Variants in DLC1 observed in about 807,000 individuals in gnomAD.
The protein encoded by DLC1 is DLC1 Rho GTPase activating protein.
DLC1 carries 54 observed loss-of-function variants against 140.3 expected under a neutral mutation model. That is an observed-to-expected ratio of 0.38 (90% confidence interval 0.31 to 0.48). DLC1 has a LOEUF of 0.48. Among genes scored for constraint, DLC1 ranks in the 20% least tolerant of loss-of-function variants. DLC1 has a pLI of 0.96. For synonymous variants in DLC1, 986 were observed against 728.1 expected, an observed-to-expected ratio of 1.35 and a Z score of -5.70; for missense variants, 2,536 against 1,907.0, an observed-to-expected ratio of 1.33 and a Z score of -6.14.
intron 2 of DLC1, among the ~76,000 whole-genome samples, chr8:13,496,638 A>G (rs1257364141): frequency 6.6e-6 from 1 of 151,966 alleles, no homozygotes; most frequent in Admixed American, 6.6e-5. Context: ...TTGGCTGTCT[A>G]TACATATTGG....
chr8:13,359,971 T>C (rs1376990093), intron 4 of DLC1, among the ~76,000 whole-genome samples: 1 of 152,212 alleles, frequency 6.6e-6, no homozygotes, highest in African/African-American at 2.4e-5. Flanking sequence ...ATAAGATTTA[T>C]AAAGAGCTAC....
chr8:13,595,025 A>G (rs973247549), intron 1 of DLC1, among the ~76,000 whole-genome samples: 8 of 152,006 alleles, frequency 5.3e-5, no homozygotes, highest in African/African-American at 1.7e-4. Context: ...TGTGAGAAAA[A>G]AAAAAGTGGA....
chr8:13,193,073 C>T (rs1215525701), intron 5 of DLC1, among the ~76,000 whole-genome samples: 1 of 152,166 alleles, frequency 6.6e-6, no homozygotes, highest in East Asian at 1.9e-4. Context: ...CCTCTCTGTT[C>T]CTATCCAATC....
chr8:13,499,017 C>CA (rs1429339572), intron 2 of DLC1, 32 bp downstream of exon 2: 1 of 1,539,760 alleles, frequency 6.5e-7, no homozygotes, highest in East Asian at 2.3e-5. Flanking sequence ...TACAAAATTT[C>CA]AAAAGCCAGA....
chr8:13,478,874 T>C (rs969966164), intron 2 of DLC1, among the ~76,000 whole-genome samples: 1 of 152,240 alleles, frequency 6.6e-6, no homozygotes, highest in African/African-American at 2.4e-5. Context: ...CCACTGAAAA[T>C]AAGCAGATGC....
At chr8:13,243,294 A>C (rs1351239254) in intron 5 of DLC1, among the ~76,000 whole-genome samples, 2 of 108,080 alleles carry the variant, frequency 1.9e-5, no homozygotes, top group African/African-American at 7.2e-5. Flanking sequence ...CTGTCTCAAA[A>C]AAAAAAAAAA....
chr8:13,573,610 T>G (rs1440130828), intron 1 of DLC1, among the ~76,000 whole-genome samples: 3 of 152,210 alleles, frequency 2.0e-5, no homozygotes, highest in African/African-American at 7.2e-5. Flanking sequence ...CATTTTCATG[T>G]TGGGAAAGTT....
chr8:13,320,089 G>C (rs1833032006), intron 4 of DLC1, among the ~76,000 whole-genome samples: 1 of 152,056 alleles, frequency 6.6e-6, no homozygotes, highest in Non-Finnish European at 1.5e-5. Context: ...GGGATTATAG[G>C]TGTGGGCCAC....
At chr8:13,290,950 C>A (rs1485194010) in intron 5 of DLC1, among the ~76,000 whole-genome samples, 1 of 152,082 alleles carries the variant, frequency 6.6e-6, no homozygotes, top group Non-Finnish European at 1.5e-5. Context: ...TTCTCACTGC[C>A]CAGGCTGGAG....
chr8:13,517,697 C>G (rs1802635086), upstream of DLC1, among the ~76,000 whole-genome samples: 1 of 152,202 alleles, frequency 6.6e-6, no homozygotes. Flanking sequence ...GACTGTTACT[C>G]TGTACTGGAT....
intron 5 of DLC1, among the ~76,000 whole-genome samples, chr8:13,302,054 T>C (rs1429516194): frequency 1.3e-5 from 2 of 152,210 alleles, no homozygotes; most frequent in Non-Finnish European, 2.9e-5. Flanking sequence ...GATACTTGTG[T>C]GATCAGTTCT....
chr8:13,189,829 C>T (rs1585875006), intron 5 of DLC1, among the ~76,000 whole-genome samples: 1 of 151,936 alleles, frequency 6.6e-6, no homozygotes, highest in Non-Finnish European at 1.5e-5. Context: ...TTGCGGTGAG[C>T]CAAGATCGCG....
At chr8:13,596,981 T>C (rs938162101) in intron 1 of DLC1, among the ~76,000 whole-genome samples, 4 of 151,978 alleles carry the variant, frequency 2.6e-5, no homozygotes, top group Admixed American at 6.6e-5. Flanking sequence ...TTTTGTTTTT[T>C]CTATGTTCGT....
At chr8:13,446,924 A>G (rs1199919815) in intron 2 of DLC1, among the ~76,000 whole-genome samples, 1 of 151,740 alleles carries the variant, frequency 6.6e-6, no homozygotes, top group Non-Finnish European at 1.5e-5. Context: ...CCTGGGTAAC[A>G]AAAGTGAAAC....
intron 5 of DLC1, chr8:13,214,334 C>A: frequency 3.4e-6 from 1 of 290,962 alleles, no homozygotes; most frequent in African/African-American, 2.2e-5. Flanking sequence ...CATTGTTTCC[C>A]GGGTTCTTTA....
chr8:13,381,972 A>G (rs970715362), intron 4 of DLC1, among the ~76,000 whole-genome samples: 1 of 152,148 alleles, frequency 6.6e-6, no homozygotes, highest in African/African-American at 2.4e-5. Flanking sequence ...AAGGACATCA[A>G]ACATACTGTT....
chr8:13,569,215 C>T (rs953736800), intron 1 of DLC1, among the ~76,000 whole-genome samples: 6 of 152,132 alleles, frequency 3.9e-5, no homozygotes, highest in Admixed American at 3.3e-4. Context: ...AGTGGCATTA[C>T]CTGGAGATCA....
chr8:13,500,846 G>A (rs1801780714), intron 1 of DLC1, among the ~76,000 whole-genome samples: 1 of 152,036 alleles, frequency 6.6e-6, no homozygotes, highest in Admixed American at 6.6e-5. Context: ...AGATACATCT[G>A]TACATGCATC....
At chr8:13,369,407 C>T (rs1835634505) in intron 4 of DLC1, among the ~76,000 whole-genome samples, 1 of 148,162 alleles carries the variant, frequency 6.7e-6, no homozygotes, top group South Asian at 2.1e-4. Flanking sequence ...TCATGAGAGG[C>T]TGCTTTTTCT....
Sources: allele counts gnomAD v4.1 joint callset (sites outside exome capture counted in the v4.1 genomes callset), GRCh38; gene constraint gnomAD v4.1.1; transcripts MANE v1.5; gene names NCBI Gene and HGNC (gene_info 2026-07-23, HGNC 2026-07-21).